The following CDK15 variants were observed in gnomAD, a reference collection of about 807,000 sequenced individuals.
The protein encoded by CDK15 is cyclin-dependent kinase 15.
CDK15 carries 62 observed loss-of-function variants against 60.3 expected under a neutral mutation model. The observed-to-expected ratio is 1.03, with a 90% confidence interval of 0.84 to 1.27. The LOEUF (loss-of-function observed/expected upper bound fraction) is 1.27, where lower values mean the gene tolerates loss of function less well. Among genes scored for constraint, CDK15 ranks in the 50% most tolerant of loss-of-function variants. CDK15 has a pLI of 0.00. For missense variants in CDK15, 541 were observed against 527.8 expected, an observed-to-expected ratio of 1.03 and a Z score of -0.25; for synonymous variants, 194 against 195.7, an observed-to-expected ratio of 0.99 and a Z score of 0.07.
chr2:201,857,158 G>A lies in CDK15; in HGVS notation c.1009+2221G>A, dbSNP rs1393211480. Among the ~76,000 whole-genome samples, 8 of 42,538 alleles carry A rather than the reference G, an allele frequency of 1.9e-4. 2 individuals carry two copies. The South Asian group carries it at 3.1e-3, about 16-fold the overall frequency. 27.9% of individuals were successfully genotyped at this position (42,538 alleles called of 152,430 possible). Reference sequence around the variant, plus strand: ...GGAGAATGGCGTGAACCCGGGAAGCGGAGCTTGCAGTGAGCCGAGATTGCG... The same window carrying A: ...GGAGAATGGCGTGAACCCGGGAAGCAGAGCTTGCAGTGAGCCGAGATTGCG... On this transcript the variant is annotated intron_variant, in intron 10 of 13. Coordinates refer to ENST00000652192, the MANE Select transcript of CDK15 (RefSeq NM_001366386.2).
At chr2:201,825,052 C>A (rs1191336834) in intron 6 of CDK15, among the ~76,000 whole-genome samples, 1 of 152,112 alleles carries the variant, frequency 6.6e-6, no homozygotes, top group African/African-American at 2.4e-5. Flanking sequence ...CGGTGGCTCA[C>A]GCCTGTAATC....
chr2:201,883,155 G>C (rs1458809381), intron 12 of CDK15, among the ~76,000 whole-genome samples: 1 of 152,084 alleles, frequency 6.6e-6, no homozygotes, highest in African/African-American at 2.4e-5. Context: ...ATTATTTAGG[G>C]GCTTATATTT....
At chr2:201,876,644 C>T (rs796106892) in intron 11 of CDK15, 1 of 1,087,824 alleles carries the variant, frequency 9.2e-7, no homozygotes, top group African/African-American at 1.6e-5. Context: ...AGTCCAGAAA[C>T]CACCAGAAGC....
intron 6 of CDK15, among the ~76,000 whole-genome samples, chr2:201,825,069 C>T (rs892551237): frequency 5.3e-5 from 8 of 152,094 alleles, no homozygotes; most frequent in African/African-American, 1.4e-4. Flanking sequence ...AATCCCAGCC[C>T]TTTGGGAGGC....
chr2:201,871,642 A>T (rs1391243273), intron 10 of CDK15, among the ~76,000 whole-genome samples: 1 of 152,114 alleles, frequency 6.6e-6, no homozygotes, highest in East Asian at 1.9e-4. Context: ...TGTTAAACAA[A>T]TGTTTATTGA....
At position 201,888,349 on chromosome 2, in the gene CDK15, C is replaced by G. The variant is rs2105844314; in HGVS notation, c.1199-2436C>G. 4.1e-6 allele frequency: 6 copies of G among 1,450,944 alleles called. No individual in the cohort carries two copies. In the South Asian group the frequency reaches 8.5e-5, roughly 21 times the overall value. 89.9% of individuals were successfully genotyped at this position (1,450,944 alleles called of 1,614,324 possible). A position where few individuals can be genotyped will look rare whatever the true frequency, so the allele number is the denominator to read the frequency against. On this transcript the variant is annotated intron_variant, in intron 12 of 13. Transcript: ENST00000652192. ...ATCTCGTTCCGAAATGATCTAAATA[C>G]ATAAGAATCTAAAAGTTTTAAATAA...
At chr2:201,862,778 G>A (rs374494825) in intron 10 of CDK15, among the ~76,000 whole-genome samples, 11 of 152,142 alleles carry the variant, frequency 7.2e-5, no homozygotes, top group Admixed American at 2.0e-4. Flanking sequence ...CAAGTGGGTC[G>A]TAGCCGTATT....
chr2:201,835,676 C>A lies in CDK15; in HGVS notation c.764C>A (p.Thr255Lys), dbSNP rs34851370. The A allele has an allele frequency of 6.2e-7, 1 of 1,610,550 alleles. No homozygotes were observed. Among genetic ancestry groups the A allele is most frequent in the South Asian group, 1.1e-5 (1 of 90,700 alleles). ...LARAKSIPSQ[T>K]YSSEVVTLWY... Reference sequence around the variant, plus strand: ...CGGGCCAAGTCCATTCCCAGCCAGACATACTCTTCAGAAGTCGTGACCCTC... The same window carrying A: ...CGGGCCAAGTCCATTCCCAGCCAGAAATACTCTTCAGAAGTCGTGACCCTC... Residue 255 changes from threonine to lysine, a missense_variant, in exon 8 of 14, where the codon ACA becomes AAA. Coordinates refer to ENST00000652192, the MANE Select transcript of CDK15 (RefSeq NM_001366386.2).
intron 12 of CDK15, chr2:201,888,628 T>G: frequency 7.1e-7 from 1 of 1,412,404 alleles, no homozygotes. Flanking sequence ...TTTCTATGAG[T>G]TGGGAAGGAG....
intron 10 of CDK15, among the ~76,000 whole-genome samples, chr2:201,869,350 C>T (rs954666111): frequency 8.3e-5 from 10 of 120,126 alleles, no homozygotes; most frequent in South Asian, 3.0e-4. Context: ...GAACACAGGG[C>T]GGGGAACATC....
chr2:201,889,069 AC>A, intron 12 of CDK15: 1 of 985,408 alleles, frequency 1.0e-6, no homozygotes, highest in African/African-American at 1.7e-5. Flanking sequence ...CAAATACAAG[AC>A]AACGAGACCC....
At chr2:201,847,604 CTG>C in intron 9 of CDK15, 130 bp downstream of exon 9, 1 of 765,000 alleles carries the variant, frequency 1.3e-6, no homozygotes, top group South Asian at 1.8e-5. Flanking sequence ...ATTGTAGAAA[CTG>C]TAGCATTTGC....
intron 12 of CDK15, among the ~76,000 whole-genome samples, chr2:201,884,586 G>T (rs901185395): frequency 6.6e-6 from 1 of 152,146 alleles, no homozygotes; most frequent in African/African-American, 2.4e-5. Flanking sequence ...ATATTGGAAG[G>T]TCCCTATGAT....
At chr2:201,808,342 A>G (rs1264542753) in intron 3 of CDK15, among the ~76,000 whole-genome samples, 1 of 152,214 alleles carries the variant, frequency 6.6e-6, no homozygotes, top group Non-Finnish European at 1.5e-5. Context: ...GAGGTTTGTA[A>G]TGGCAACCTG....
rs756977520 is a variant in CDK15, at chr2:201,854,980, T to C, written c.1009+43T>C. On this transcript the variant is annotated intron_variant, in intron 10 of 13. Transcript: ENST00000652192. ...TTCTGAATACTCTGAGAATTAGTAA[T>C]GTAAGGAGAGCATTGGCCACGCTAA... The C allele has an allele frequency of 8.8e-6, 14 of 1,586,010 alleles. 1 individual carries two copies. Among genetic ancestry groups the C allele is most frequent in the African/African-American group, 8.1e-5 (6 of 74,392 alleles).
At chr2:201,839,018 G>A (rs951466210) in intron 8 of CDK15, among the ~76,000 whole-genome samples, 4 of 151,996 alleles carry the variant, frequency 2.6e-5, no homozygotes, top group Non-Finnish European at 5.9e-5. Context: ...TCAGCTCACT[G>A]CAAGCTCCGC....
At chr2:201,845,519 A>G (rs1697611403) in intron 8 of CDK15, among the ~76,000 whole-genome samples, 1 of 150,390 alleles carries the variant, frequency 6.6e-6, no homozygotes, top group South Asian at 2.2e-4. Context: ...TGGGAGGCCT[A>G]GGCAGGCAGA....
At chr2:201,867,581 T>C (rs1261863005) in intron 10 of CDK15, among the ~76,000 whole-genome samples, 3 of 151,982 alleles carry the variant, frequency 2.0e-5, no homozygotes, top group Non-Finnish European at 4.4e-5. Context: ...GCTGTGATCA[T>C]GCTCATGCCA....
chr2:201,883,453 G>T (rs2105837712), intron 12 of CDK15, among the ~76,000 whole-genome samples: 1 of 152,292 alleles, frequency 6.6e-6, no homozygotes, highest in Admixed American at 6.5e-5. Context: ...GCTTTCCCTA[G>T]GTTGTGGCAG....
Sources: allele counts gnomAD v4.1 joint callset (sites outside exome capture counted in the v4.1 genomes callset), GRCh38; gene constraint gnomAD v4.1.1; transcripts MANE v1.5; gene names NCBI Gene and HGNC (gene_info 2026-07-23, HGNC 2026-07-21).